Variants in ELMO1 observed in about 807,000 individuals in gnomAD.
The protein encoded by ELMO1 is engulfment and cell motility protein 1.
In ELMO1, 26 loss-of-function variants were observed where a neutral mutation model predicts 98.9. That is an observed-to-expected ratio of 0.26 (90% CI 0.19 to 0.36). The LOEUF (loss-of-function observed/expected upper bound fraction) is 0.36, where lower values mean the gene tolerates loss of function less well. Among genes scored for constraint, ELMO1 ranks in the 10% least tolerant of loss-of-function variants. The pLI, the probability that ELMO1 is intolerant of heterozygous loss-of-function variation, is 1.00. For synonymous variants in ELMO1, 346 were observed against 346.0 expected (o/e 1.00, Z 0.00); for missense variants, 627 against 935.2 (o/e 0.67, Z 4.30).
intron 16 of ELMO1, among the ~76,000 whole-genome samples, chr7:36,982,106 C>T (rs778729167): frequency 6.6e-6 from 1 of 152,102 alleles, no homozygotes; most frequent in African/African-American, 2.4e-5. Context: ...AATTTTAGCT[C>T]ATTTAAATTT....
At chr7:37,250,206 C>A (rs1343042081) in intron 6 of ELMO1, among the ~76,000 whole-genome samples, 1 of 152,098 alleles carries the variant, frequency 6.6e-6, no homozygotes, top group East Asian at 1.9e-4. Context: ...ATTAATTGTA[C>A]ATAATAAGCT....
intron 15 of ELMO1, among the ~76,000 whole-genome samples, chr7:37,029,239 A>G (rs1794746853): frequency 6.6e-6 from 1 of 152,144 alleles, no homozygotes; most frequent in Non-Finnish European, 1.5e-5. Flanking sequence ...GGAGATGTGA[A>G]TTTGCCCACA....
intron 14 of ELMO1, among the ~76,000 whole-genome samples, chr7:37,111,021 G>C (rs141783283): frequency 0.016 from 2,434 of 152,230 alleles, 16 homozygotes; most frequent in Non-Finnish European, 0.019. Context: ...CTCCTACCCC[G>C]TTTACCACCA....
intron 15 of ELMO1, among the ~76,000 whole-genome samples, chr7:37,041,924 T>G (rs1324239654): frequency 6.6e-6 from 1 of 152,154 alleles, no homozygotes; most frequent in South Asian, 2.1e-4. Context: ...AGTAGAGAGA[T>G]TCATCATTTA....
chr7:36,981,255 G>A (rs1215333348), intron 16 of ELMO1, among the ~76,000 whole-genome samples: 1 of 150,714 alleles, frequency 6.6e-6, no homozygotes, highest in Non-Finnish European at 1.5e-5. Flanking sequence ...TCATCAACTG[G>A]GGACATCATT....
intron 15 of ELMO1, among the ~76,000 whole-genome samples, chr7:37,068,358 C>G (rs992755535): frequency 1.2e-4 from 18 of 152,270 alleles, no homozygotes; most frequent in Admixed American, 8.5e-4. Flanking sequence ...TGGCACTTTA[C>G]CTATTCTTAG....
chr7:37,027,698 G>T (rs1219488304), intron 15 of ELMO1, among the ~76,000 whole-genome samples: 1 of 152,114 alleles, frequency 6.6e-6, no homozygotes, highest in African/African-American at 2.4e-5. Flanking sequence ...ACCCAAGCTC[G>T]TGTGGGAAAG....
intron 16 of ELMO1, among the ~76,000 whole-genome samples, chr7:36,907,402 G>T (rs1440684138): frequency 1.3e-5 from 2 of 152,158 alleles, no homozygotes; most frequent in Admixed American, 1.3e-4. Flanking sequence ...GCTTTCCAAA[G>T]TAAAGTAATT....
At chr7:37,417,414 C>T (rs1017434754) in intron 1 of ELMO1, among the ~76,000 whole-genome samples, 22 of 152,160 alleles carry the variant, frequency 1.4e-4, no homozygotes, top group African/African-American at 4.6e-4. Flanking sequence ...GTAATCCCAG[C>T]ACTTTCGGAG....
At chr7:37,339,475 A>C (rs1248692861) in intron 2 of ELMO1, among the ~76,000 whole-genome samples, 1 of 152,256 alleles carries the variant, frequency 6.6e-6, no homozygotes, top group East Asian at 1.9e-4. Context: ...ATCCAGGCTA[A>C]AAAGAAGCAA....
intron 16 of ELMO1, 137 bp downstream of exon 16, chr7:37,013,162 T>G: frequency 8.8e-7 from 1 of 1,140,054 alleles, no homozygotes; most frequent in Non-Finnish European, 1.2e-6. Flanking sequence ...TCTTTCTCCA[T>G]TCTTGAAGCA....
intron 15 of ELMO1, among the ~76,000 whole-genome samples, chr7:37,042,873 G>A (rs912753888): frequency 7.9e-5 from 12 of 152,080 alleles, no homozygotes; most frequent in Non-Finnish European, 1.3e-4. Context: ...CCCACACTCT[G>A]GAATATCACT....
Position 37,375,475 on chromosome 7 carries a change from A to G in ELMO1, c.-73-32712T>C, listed in dbSNP as rs1305386533. On this transcript the variant is annotated intron_variant, in intron 1 of 21. Coordinates refer to ENST00000310758, the MANE Select transcript of ELMO1 (RefSeq NM_014800.11). ...GCCCGTGAGGTTCGAAGCAAGATGGAGTCAGGTATGATTCAAGCCCCGGCC... is the reference window on the plus strand; with the variant it reads ...GCCCGTGAGGTTCGAAGCAAGATGGGGTCAGGTATGATTCAAGCCCCGGCC... The G allele has an allele frequency of 5.7e-6, 4 of 697,506 alleles. No individual in the cohort carries two copies. The African/African-American group carries it at 7.0e-5, about 12-fold the overall frequency. 43.2% of individuals were successfully genotyped at this position (697,506 alleles called of 1,614,324 possible). A position where few individuals can be genotyped will look rare whatever the true frequency, so the allele number is the denominator to read the frequency against.
intron 16 of ELMO1, among the ~76,000 whole-genome samples, chr7:36,915,216 T>A (rs893423401): frequency 6.6e-6 from 1 of 152,188 alleles, no homozygotes; most frequent in African/African-American, 2.4e-5. Context: ...CAGGCTCAAG[T>A]CACTGTGCCT....
chr7:37,224,862 C>T lies in ELMO1; in HGVS notation c.701+17G>A. The T allele has an allele frequency of 1.9e-6, 3 of 1,612,334 alleles. No individual in the cohort carries two copies. The highest frequency in any genetic ancestry group is 2.5e-6 in the Non-Finnish European group (3 of 1,178,780). On this transcript the variant is annotated intron_variant, in intron 9 of 21. Coordinates refer to ENST00000310758, the MANE Select transcript of ELMO1 (RefSeq NM_014800.11). ...CCTGAAGCATTTCTCCTCCCCAGAGCATCTTGGCATGCTTACCCTTGCAGG... is the reference window on the plus strand; with the variant it reads ...CCTGAAGCATTTCTCCTCCCCAGAGTATCTTGGCATGCTTACCCTTGCAGG...
intron 14 of ELMO1, among the ~76,000 whole-genome samples, chr7:37,130,757 TTGTGTGTG>T (rs10649292): frequency 3.3e-5 from 5 of 150,670 alleles, no homozygotes; most frequent in Non-Finnish European, 7.4e-5. Flanking sequence ...ATACATGTGT[TTGTGTGTG>T]TGTGTGTGTG....
intron 5 of ELMO1, among the ~76,000 whole-genome samples, chr7:37,262,899 G>A (rs1002515440): frequency 2.0e-5 from 3 of 152,308 alleles, no homozygotes; most frequent in Non-Finnish European, 4.4e-5. Context: ...ATGAGATCAT[G>A]TTTAAGGTTC....
chr7:37,378,598 A>G (rs1468581697), intron 1 of ELMO1, among the ~76,000 whole-genome samples: 1 of 152,142 alleles, frequency 6.6e-6, no homozygotes, highest in African/African-American at 2.4e-5. Flanking sequence ...TATAAACGAA[A>G]AAAAAAACTA....
chr7:36,872,390 C>T (rs1803601625), intron 19 of ELMO1, among the ~76,000 whole-genome samples: 1 of 152,172 alleles, frequency 6.6e-6, no homozygotes. Context: ...TGGAGCAGCC[C>T]TTTGCCAACC....
Sources: gnomAD v4.1 joint callset for allele counts (sites outside exome capture counted in the v4.1 genomes callset) on GRCh38, gnomAD v4.1.1 for gene constraint, MANE v1.5 for transcripts, NCBI Gene and HGNC (gene_info 2026-07-23, HGNC 2026-07-21) for gene names.